The following NIPSNAP3B variants were observed in gnomAD, a reference collection of about 807,000 sequenced individuals.
NIPSNAP3B encodes nipsnap homolog 3B.
A neutral mutation model predicts 31.5 loss-of-function variants in NIPSNAP3B; 30 were observed. The observed-to-expected ratio is 0.95, with a 90% confidence interval of 0.71 to 1.29. NIPSNAP3B has a LOEUF of 1.29. Ranked by LOEUF, NIPSNAP3B falls within the 50% of genes most tolerant of loss-of-function variation. NIPSNAP3B has a pLI of 0.00. For missense variants in NIPSNAP3B, 269 were observed against 300.7 expected, an observed-to-expected ratio of 0.89 and a Z score of 0.78; for synonymous variants, 106 against 107.9, an observed-to-expected ratio of 0.98 and a Z score of 0.11.
At chr9:104,772,971 T>A in intron 5 of NIPSNAP3B, 26 bp from the exon 6 acceptor site, 1 of 1,614,012 alleles carries the variant, frequency 6.2e-7, no homozygotes, top group South Asian at 1.1e-5. Flanking sequence ...AATAACTGTA[T>A]GCCTTCTTAT....
chr9:104,777,908 G>C (rs2515605), downstream of NIPSNAP3B, among the ~76,000 whole-genome samples: 1 of 152,096 alleles, frequency 6.6e-6, no homozygotes, highest in Non-Finnish European at 1.5e-5. Context: ...ATGACTCTTA[G>C]GAAGGTCACC....
intron 1 of NIPSNAP3B, among the ~76,000 whole-genome samples, chr9:104,765,366 T>C (rs1828066983): frequency 6.6e-6 from 1 of 152,238 alleles, no homozygotes; most frequent in Non-Finnish European, 1.5e-5. Flanking sequence ...TGAATGGATT[T>C]GTAAACTAGA....
the NIPSNAP3B span, chr9:104,787,065 C>A: frequency 8.9e-7 from 1 of 1,119,908 alleles, no homozygotes; most frequent in Non-Finnish European, 1.3e-6. Context: ...ATCTTTGAAA[C>A]AGCTTAAATT....
At chr9:104,767,408 T>C (rs10991376) in intron 2 of NIPSNAP3B, among the ~76,000 whole-genome samples, 23,316 of 152,128 alleles carry the variant, frequency 0.15, 2,235 homozygotes, top group East Asian at 0.28. Flanking sequence ...GTTACTTCCA[T>C]GTCTGTTCTT....
chr9:104,781,760 A>G (rs1828559179), downstream of NIPSNAP3B: 1 of 152,640 alleles, frequency 6.6e-6, no homozygotes, highest in Non-Finnish European at 1.5e-5. Flanking sequence ...AAGATGCAAA[A>G]GCAGAAATTT....
downstream of NIPSNAP3B, among the ~76,000 whole-genome samples, chr9:104,779,986 C>T (rs1828436271): frequency 1.3e-5 from 2 of 152,158 alleles, no homozygotes; most frequent in African/African-American, 4.8e-5. Flanking sequence ...AAGATCATGC[C>T]GCTGCACTCC....
chr9:104,766,386 C>T lies in NIPSNAP3B; in HGVS notation c.122C>T (p.Thr41Ile). 1 of 1,613,750 alleles carries T rather than the reference C, an allele frequency of 6.2e-7. No homozygotes were observed. Among genetic ancestry groups the T allele is most frequent in the Non-Finnish European group, 8.5e-7 (1 of 1,179,724 alleles). Residue 41 changes from threonine (T) to isoleucine (I), a missense_variant, in exon 2 of 6, where the codon ACT becomes ATT. Coordinates refer to ENST00000374762, the MANE Select transcript of NIPSNAP3B (RefSeq NM_018376.4). Reference protein sequence around the residue: ...QYDGTFYEFRTYYLKPSNMNA... With the variant: ...QYDGTFYEFRIYYLKPSNMNA... ...GATGGAACGTTCTATGAATTTCGTA[C>T]TTATTACCTTAAACCTTCAAATATG...
At chr9:104,768,646 A>G (rs1237480764) in intron 2 of NIPSNAP3B, among the ~76,000 whole-genome samples, 1 of 152,192 alleles carries the variant, frequency 6.6e-6, no homozygotes, top group East Asian at 1.9e-4. Context: ...AGCCCATTCT[A>G]TGTCAATTAA....
At chr9:104,770,028 A>C (rs1037497281) in intron 3 of NIPSNAP3B, among the ~76,000 whole-genome samples, 4 of 152,160 alleles carry the variant, frequency 2.6e-5, no homozygotes, top group African/African-American at 9.7e-5. Context: ...ATTTTATTTT[A>C]GATTATAAGA....
At chr9:104,769,073 C>A in intron 3 of NIPSNAP3B, 52 bp downstream of exon 3, 1 of 1,418,106 alleles carries the variant, frequency 7.1e-7, no homozygotes, top group Non-Finnish European at 9.6e-7. Context: ...ATACTAAAGA[C>A]CTAAAGTTAT....
At chr9:104,778,672 T>G (rs537865290), downstream of NIPSNAP3B, among the ~76,000 whole-genome samples, 55 of 152,334 alleles carry the variant, frequency 3.6e-4, 1 homozygote, top group South Asian at 0.011. Flanking sequence ...AGCCCTTACA[T>G]GCAGTCTGTC....
the NIPSNAP3B span, chr9:104,788,631 G>A: frequency 6.3e-7 from 1 of 1,579,154 alleles, no homozygotes; most frequent in Admixed American, 1.7e-5. Flanking sequence ...TAGACAATCT[G>A]GCCTAATGTT....
At chr9:104,786,265 TAGGCAC>T in the NIPSNAP3B span, 1 of 1,523,280 alleles carries the variant, frequency 6.6e-7, no homozygotes, top group South Asian at 1.1e-5. Context: ...GCCTTCTCAC[TAGGCAC>T]TATCCCAAAG....
chr9:104,786,733 G>A, the NIPSNAP3B span: 1 of 819,130 alleles, frequency 1.2e-6, no homozygotes, highest in Non-Finnish European at 2.1e-6. Context: ...ATTTTTGTAA[G>A]AATATGCATA....
At chr9:104,777,938 A>G (rs1276571123), downstream of NIPSNAP3B, among the ~76,000 whole-genome samples, 1 of 152,236 alleles carries the variant, frequency 6.6e-6, no homozygotes, top group African/African-American at 2.4e-5. Flanking sequence ...TGTCTTAACA[A>G]ATTCAATAGC....
Position 104,770,892 on chromosome 9 carries a change from A to C in NIPSNAP3B, c.474A>C (p.Pro158=). The C allele has an allele frequency of 6.2e-7, 1 of 1,613,884 alleles. No homozygotes were observed. The highest frequency in any genetic ancestry group is 2.2e-5 in the East Asian group (1 of 44,854). ...TTTTTCAGATGAAACCTGGTGGGCCAGCTCTGTGGGGTGATGCATTTGAAA... is the reference window on the plus strand; with the variant it reads ...TTTTTCAGATGAAACCTGGTGGGCCCGCTCTGTGGGGTGATGCATTTGAAA... ...LAVFQMKPGG[P]ALWGDAFERA... The change falls in exon 4 of 6, where the codon CCA becomes CCC. Residue 158 remains proline (P), a synonymous_variant. Coordinates refer to ENST00000374762, the MANE Select transcript of NIPSNAP3B (RefSeq NM_018376.4).
chr9:104,776,472 G>T lies in NIPSNAP3B; in HGVS notation c.*3399G>T, dbSNP rs768704493. Among the ~76,000 whole-genome samples the T allele has an allele frequency of 1.3e-5, 2 of 152,102 alleles. No homozygotes were observed. The highest frequency in any genetic ancestry group is 4.8e-5 in the African/African-American group (2 of 41,398). On this transcript the variant is annotated 3_prime_UTR_variant, in exon 6 of 6. Transcript: ENST00000374762. ...CCTTTGTGAGTTAGTTTTAGATGAG[G>T]TCATGTGGGTAATAGAATTAGTGCA...
rs35805725 is a variant in NIPSNAP3B at position 104,774,806 on chromosome 9, A to G, written c.*1733A>G. Reference sequence around the variant, plus strand: ...TAATTTGAAGAGGAAAGTAATTTAAATGTATAGGTTTATATAATAGCATTG... The same window carrying G: ...TAATTTGAAGAGGAAAGTAATTTAAGTGTATAGGTTTATATAATAGCATTG... On this transcript the variant is annotated 3_prime_UTR_variant, in exon 6 of 6. Coordinates refer to ENST00000374762, the MANE Select transcript of NIPSNAP3B (RefSeq NM_018376.4). Among the ~76,000 whole-genome samples, 9,646 of 152,264 alleles carry G rather than the reference A, an allele frequency of 0.063. 399 individuals are homozygous for G. Among genetic ancestry groups the G allele is most frequent in the South Asian group, 0.16 (766 of 4,818 alleles).
chr9:104,787,382 C>A, the NIPSNAP3B span, among the ~76,000 whole-genome samples: 22 of 151,720 alleles, frequency 1.5e-4, no homozygotes, highest in Admixed American at 9.2e-4. Context: ...ACTCAGATTA[C>A]CCTAGTATAT....
Sources: gnomAD v4.1 joint callset for allele counts (sites outside exome capture counted in the v4.1 genomes callset) on GRCh38, gnomAD v4.1.1 for gene constraint, MANE v1.5 for transcripts, NCBI Gene and HGNC (gene_info 2026-07-23, HGNC 2026-07-21) for gene names.